Variants in UGDH observed in about 807,000 individuals in gnomAD.
The protein encoded by UGDH is UDP-glucose 6-dehydrogenase.
UGDH carries 38 observed loss-of-function variants against 50.6 expected under a neutral mutation model. The ratio of observed to expected loss-of-function variants is 0.75; its 90% confidence interval spans 0.58 to 0.98. The LOEUF (loss-of-function observed/expected upper bound fraction) is 0.98. UGDH is among the 50% of genes least tolerant of loss of function. The pLI, the probability that UGDH is intolerant of heterozygous loss-of-function variation, is 0.00. For missense variants in UGDH, 465 were observed against 606.2 expected, an observed-to-expected ratio of 0.77 and a Z score of 2.45; for synonymous variants, 168 against 199.9, an observed-to-expected ratio of 0.84 and a Z score of 1.35.
chr4:39,515,814 C>T (rs1392267644), intron 2 of UGDH, among the ~76,000 whole-genome samples: 4 of 152,118 alleles, frequency 2.6e-5, no homozygotes, highest in Admixed American at 6.5e-5. Context: ...ATTCTCGTGC[C>T]GCAAACTCCC....
intron 7 of UGDH, among the ~76,000 whole-genome samples, chr4:39,507,352 T>A (rs559159478): frequency 2.5e-4 from 38 of 152,314 alleles, no homozygotes; most frequent in Non-Finnish European, 3.7e-4. Flanking sequence ...AAAACAAATA[T>A]CAGCAGATAC....
chr4:39,522,503 A>G (rs1746704589), intron 1 of UGDH, among the ~76,000 whole-genome samples: 1 of 152,242 alleles, frequency 6.6e-6, no homozygotes, highest in Non-Finnish European at 1.5e-5. Flanking sequence ...ATGCCTGGCA[A>G]GAAGAATATC....
rs1158537408 is a variant in UGDH, at chr4:39,500,154, G to T, written c.1474C>A (p.Pro492Thr). 1 of 1,574,814 alleles carries T rather than the reference G, an allele frequency of 6.3e-7. No individual in the cohort carries two copies. The highest frequency in any genetic ancestry group is 8.6e-7 in the Non-Finnish European group (1 of 1,157,514). ...FSLQDPPNKK[P>T]KV ...AAAAATGGCAATCTCTACACTTTAG[G>T]TTTCTTGTTAGGTGGATCTTGAAGA... The change falls in exon 12 of 12, where the codon CCT becomes ACT. Residue 492 changes from proline to threonine, a missense_variant. Transcript: ENST00000316423.
At chr4:39,527,251 G>C (rs973192512) in intron 1 of UGDH, 32 bp downstream of exon 1, 4 of 636,728 alleles carry the variant, frequency 6.3e-6, no homozygotes, top group African/African-American at 5.8e-5. Context: ...ATCCCGCCCG[G>C]GCGGCGGGGC....
chr4:39,527,098 G>A (rs1487057203), intron 1 of UGDH, 185 bp downstream of exon 1: 1 of 1,289,308 alleles, frequency 7.8e-7, no homozygotes, highest in East Asian at 5.6e-5. Flanking sequence ...CAGGACAGCA[G>A]TTCCAAAATG....
chr4:39,505,902 A>AT (rs1746007216), intron 7 of UGDH, among the ~76,000 whole-genome samples, 154 bp from the exon 8 acceptor site: 1 of 128,578 alleles, frequency 7.8e-6, no homozygotes, highest in Non-Finnish European at 1.6e-5. Context: ...GTGCCTATGG[A>AT]TTAAAAAAAA....
chr4:39,517,236 C>T (rs1313173293), intron 2 of UGDH, among the ~76,000 whole-genome samples: 8 of 146,936 alleles, frequency 5.4e-5, no homozygotes. Context: ...CAGAGTCTCA[C>T]TCTGTTGCTA....
In UGDH at chr4:39,499,798, A is replaced by G. The variant is rs1036843999; in HGVS notation, c.*345T>C. The G allele has an allele frequency of 6.0e-6, 1 of 167,248 alleles. No homozygotes were observed. The highest frequency in any genetic ancestry group is 2.4e-5 in the African/African-American group (1 of 41,792). 10.4% of individuals were successfully genotyped at this position (167,248 alleles called of 1,614,324 possible). On this transcript the variant is annotated 3_prime_UTR_variant, in exon 12 of 12. Transcript: ENST00000316423. ...GTAATCCCAGCACTTTGGGAGGCCG[A>G]GACGGGTGGTTCACAAGGTCAGGAG...
intron 3 of UGDH, among the ~76,000 whole-genome samples, chr4:39,511,949 TGCCTCA>T (rs974397297): frequency 1.3e-5 from 2 of 150,658 alleles, no homozygotes; most frequent in African/African-American, 4.9e-5. Context: ...GTGATCTGCC[TGCCTCA>T]GCCTCCCAAA....
At position 39,510,732 on chromosome 4, in the gene UGDH, C is replaced by T. The variant is rs111337616; in HGVS notation, c.394G>A (p.Val132Ile). Residue 132 changes from valine to isoleucine, a missense_variant, in exon 4 of 12, where the codon GTT (valine) becomes ATT (isoleucine). By Grantham distance (29) the Val-to-Ile change is conservative (BLOSUM62 3). Coordinates refer to ENST00000316423, the MANE Select transcript of UGDH (RefSeq NM_003359.4). The stretch of plus-strand genomic sequence containing the variant: ...ATACTTTCTGCTGCCCGCACTGGAA[C>T]TGTGCTTTTCTCAGTCACAATTTTG... ...GYKIVTEKST[V>I]PVRAAESIRR... 1 of 1,614,234 alleles carries T rather than the reference C, an allele frequency of 6.2e-7. No homozygotes were observed. Among genetic ancestry groups the T allele is most frequent in the South Asian group, 1.1e-5 (1 of 91,082 alleles).
intron 1 of UGDH, 135 bp from the exon 2 acceptor site, chr4:39,521,654 G>T: frequency 1.5e-6 from 1 of 680,710 alleles, no homozygotes; most frequent in Non-Finnish European, 2.2e-6. Flanking sequence ...TTCGCTCTGA[G>T]GAATTATGGA....
At chr4:39,512,513 T>C (rs954378709) in intron 3 of UGDH, among the ~76,000 whole-genome samples, 2 of 152,184 alleles carry the variant, frequency 1.3e-5, no homozygotes, top group African/African-American at 4.8e-5. Flanking sequence ...AAAGGAGCTT[T>C]GAAAACAACA....
chr4:39,514,051 T>A, intron 3 of UGDH, 32 bp downstream of exon 3: 1 of 1,520,904 alleles, frequency 6.6e-7, no homozygotes, highest in South Asian at 1.2e-5. Flanking sequence ...CAAGAATACA[T>A]TAAAATTCAC....
In UGDH at chr4:39,500,102, C is replaced by CAAAAAAAAAAAAAA; in HGVS notation, c.*27_*40dup. ...ATAGATATTTGCTATCCTGAAGTAC[C>CAAAAAAAAAAAAAA]AAAAAAAAAAAAAAAAAATCACAAA... is the stretch of plus-strand genomic sequence containing the variant. On this transcript the variant is annotated 3_prime_UTR_variant, in exon 12 of 12. Coordinates refer to ENST00000316423, the MANE Select transcript of UGDH (RefSeq NM_003359.4). The CAAAAAAAAAAAAAA allele has an allele frequency of 9.4e-7, 1 of 1,069,494 alleles. No homozygotes were observed. Among genetic ancestry groups the CAAAAAAAAAAAAAA allele is most frequent in the Non-Finnish European group, 1.3e-6 (1 of 757,248 alleles). 66.3% of individuals were successfully genotyped at this position (1,069,494 alleles called of 1,614,324 possible).
chr4:39,525,379 A>C (rs1277818888), intron 1 of UGDH, among the ~76,000 whole-genome samples: 1 of 151,792 alleles, frequency 6.6e-6, no homozygotes, highest in Non-Finnish European at 1.5e-5. Flanking sequence ...TATTTAGTAG[A>C]GACGGGGTTT....
chr4:39,515,268 C>T (rs1746398671), intron 2 of UGDH, among the ~76,000 whole-genome samples: 2 of 152,168 alleles, frequency 1.3e-5, no homozygotes, highest in African/African-American at 4.8e-5. Context: ...TAACCATTAA[C>T]TATGAGTATC....
intron 11 of UGDH, among the ~76,000 whole-genome samples, chr4:39,501,055 C>T (rs756133733): frequency 7.3e-5 from 11 of 151,606 alleles, no homozygotes; most frequent in Non-Finnish European, 1.5e-4. Flanking sequence ...ACCTCTGCCT[C>T]GCAGGTTCAA....
intron 3 of UGDH, 92 bp downstream of exon 3, chr4:39,513,991 C>T: frequency 9.2e-7 from 1 of 1,091,868 alleles, no homozygotes; most frequent in South Asian, 1.4e-5. Flanking sequence ...AATGTTGAGG[C>T]TTAATACCAA....
chr4:39,504,519 A>T lies in UGDH; in HGVS notation c.1172-11T>A. ...TCACGAGCCGGGACACTGTAACAAT[A>T]GCAACAACAAAAAAACAGAAATAAG... On this transcript the variant is annotated splice_polypyrimidine_tract_variant and intron_variant, in intron 9 of 11. Coordinates refer to ENST00000316423, the MANE Select transcript of UGDH (RefSeq NM_003359.4). The T allele has an allele frequency of 6.2e-7, 1 of 1,610,304 alleles. No homozygotes were observed. The highest frequency in any genetic ancestry group is 8.5e-7 in the Non-Finnish European group (1 of 1,177,252).
Sources: gnomAD v4.1 joint callset for allele counts (sites outside exome capture counted in the v4.1 genomes callset) on GRCh38, gnomAD v4.1.1 for gene constraint, MANE v1.5 for transcripts, NCBI Gene and HGNC (gene_info 2026-07-23, HGNC 2026-07-21) for gene names.